The following ADAM20 variants were observed in gnomAD, a reference collection of about 807,000 sequenced individuals.
ADAM20 encodes ADAM metallopeptidase domain 20.
For synonymous variants in ADAM20, 305 were observed against 310.2 expected, an observed-to-expected ratio of 0.98 and a Z score of 0.18; for missense variants, 871 against 883.2, an observed-to-expected ratio of 0.99 and a Z score of 0.18.
At chr14:70,561,802 GAAGGC>G in the ADAM20 span, among the ~76,000 whole-genome samples, 5 of 152,276 alleles carry the variant, frequency 3.3e-5, no homozygotes, top group Non-Finnish European at 7.3e-5. Context: ...GCAGGATGCA[GAAGGC>G]AAGAGTTGAG....
chr14:70,523,756 G>A lies in ADAM20; in HGVS notation c.1002C>T (p.Val334=), dbSNP rs749297139. ...GVDVFEDNRL[V]VFAITLGHEL... ...CGTGGCCCAAAGTAATTGCAAAAAC[G>A]ACCAACCTGTTGTCTTCAAAAACAT... The change falls in exon 2 of 2, where the codon GTC becomes GTT. Residue 334 remains valine (V), a synonymous_variant. Coordinates refer to ENST00000256389, the MANE Select transcript of ADAM20 (RefSeq NM_003814.5). 3.1e-5 allele frequency: 50 copies of A among 1,613,852 alleles called. No individual in the cohort carries two copies. Among genetic ancestry groups the A allele is most frequent in the East Asian group, 1.8e-4 (8 of 44,890 alleles).
intron 1 of ADAM20, among the ~76,000 whole-genome samples, chr14:70,529,167 T>C (rs7154858): frequency 0.27 from 41,195 of 152,012 alleles, 7,758 homozygotes; most frequent in East Asian, 0.56. Flanking sequence ...ACTTGAACCA[T>C]ACTATAGACC....
rs1883525817 is a variant in ADAM20 at position 70,524,136 on chromosome 14, A to G, written c.622T>C (p.Phe208Leu). The change falls in exon 2 of 2, where the codon TTT becomes CTT. Residue 208 changes from phenylalanine to leucine, a missense_variant. Coordinates refer to ENST00000256389, the MANE Select transcript of ADAM20 (RefSeq NM_003814.5). The stretch of plus-strand genomic sequence containing the variant: ...TCCACGACCACTACCAGCTCAACAA[A>G]CCGCTGATGGGTCCACCAGCCCACA... ...SFVGWWTHQR[F>L]VELVVVVDNI... The G allele has an allele frequency of 1.4e-5, 22 of 1,613,824 alleles. No homozygotes were observed. Among genetic ancestry groups the G allele is most frequent in the Non-Finnish European group, 1.8e-5 (21 of 1,179,914 alleles).
upstream of ADAM20, among the ~76,000 whole-genome samples, chr14:70,535,685 G>A (rs1023601680): frequency 6.6e-6 from 1 of 151,984 alleles, no homozygotes; most frequent in East Asian, 1.9e-4. Context: ...ATCTCAACAC[G>A]CTCCAGAGCA....
chr14:70,546,496 G>C, the ADAM20 span, among the ~76,000 whole-genome samples: 1 of 152,144 alleles, frequency 6.6e-6, no homozygotes, highest in African/African-American at 2.4e-5. Flanking sequence ...AGATAGGTGA[G>C]AGACAAATGT....
chr14:70,541,476 T>G, the ADAM20 span, among the ~76,000 whole-genome samples: 1 of 152,226 alleles, frequency 6.6e-6, no homozygotes, highest in African/African-American at 2.4e-5. Context: ...CACAATGGGT[T>G]TTTTTAAAAC....
At chr14:70,569,903 A>C in the ADAM20 span, among the ~76,000 whole-genome samples, 2 of 149,066 alleles carry the variant, frequency 1.3e-5, no homozygotes, top group Admixed American at 6.6e-5. Context: ...AAAAAAAAAA[A>C]AAAAAAAAAA....
rs373092896 is a variant in ADAM20 at position 70,526,378 on chromosome 14, A to G, written c.-176-1445T>C. Among the ~76,000 whole-genome samples, 6 of 152,264 alleles carry G rather than the reference A, an allele frequency of 3.9e-5. No individual in the cohort carries two copies. The East Asian group carries it at 1.2e-3, about 29-fold the overall frequency. On this transcript the variant is annotated intron_variant, in intron 1 of 1. Transcript: ENST00000256389. The stretch of plus-strand genomic sequence containing the variant: ...CTAATGGATGGCCACCGGATGCCAC[A>G]AGAGGAAATCAGGATCACTAGATGA...
the ADAM20 span, chr14:70,556,675 T>G: frequency 6.6e-6 from 1 of 152,202 alleles, no homozygotes; most frequent in East Asian, 1.9e-4. Context: ...CATGTGCGAT[T>G]TTTTCAATAA....
At chr14:70,563,552 G>A in the ADAM20 span, among the ~76,000 whole-genome samples, 6 of 152,200 alleles carry the variant, frequency 3.9e-5, no homozygotes, top group Admixed American at 6.5e-5. Flanking sequence ...ATTTGTCCCC[G>A]CCTGCAACTC....
At chr14:70,555,427 G>T in the ADAM20 span, among the ~76,000 whole-genome samples, 2 of 152,044 alleles carry the variant, frequency 1.3e-5, no homozygotes, top group Non-Finnish European at 2.9e-5. Flanking sequence ...TTAAAAAAAG[G>T]TGAAAAATCA....
rs533171732 is a variant in ADAM20, at chr14:70,528,121, A to C, written c.-176-3188T>G. On this transcript the variant is annotated intron_variant, in intron 1 of 1. Coordinates refer to ENST00000256389, the MANE Select transcript of ADAM20 (RefSeq NM_003814.5). ...CTATAATTTGGTAGAAAAATATAGC[A>C]GAAATATTGTTATTGATATAAAATG... Among the ~76,000 whole-genome samples the C allele has an allele frequency of 2.6e-5, 4 of 152,342 alleles. No homozygotes were observed. The East Asian group carries it at 7.7e-4, about 29-fold the overall frequency.
the ADAM20 span, among the ~76,000 whole-genome samples, chr14:70,578,878 C>T: frequency 6.6e-6 from 1 of 152,026 alleles, no homozygotes; most frequent in Non-Finnish European, 1.5e-5. Flanking sequence ...CTTATTGTTC[C>T]CATCTTTGTG....
the ADAM20 span, among the ~76,000 whole-genome samples, chr14:70,575,522 C>A: frequency 3.9e-4 from 60 of 152,132 alleles, no homozygotes; most frequent in African/African-American, 1.3e-3. Context: ...ACAAAAAAAT[C>A]TAGAGGCAAC....
At chr14:70,556,222 A>G in the ADAM20 span, 2 of 152,424 alleles carry the variant, frequency 1.3e-5, no homozygotes, top group Non-Finnish European at 2.9e-5. Context: ...GATTCCCCAG[A>G]ATTTTCCCAG....
At chr14:70,560,678 T>C in the ADAM20 span, among the ~76,000 whole-genome samples, 5 of 152,160 alleles carry the variant, frequency 3.3e-5, no homozygotes, top group East Asian at 5.8e-4. Context: ...ATGATTCTCA[T>C]GAGATCTGAT....
chr14:70,537,413 C>T (rs1883859459), upstream of ADAM20, among the ~76,000 whole-genome samples: 1 of 152,198 alleles, frequency 6.6e-6, no homozygotes, highest in Admixed American at 6.5e-5. Flanking sequence ...TTTGCTGATT[C>T]CAACCGCAAC....
chr14:70,529,731 G>C (rs1442338190), intron 1 of ADAM20, among the ~76,000 whole-genome samples: 1 of 152,204 alleles, frequency 6.6e-6, no homozygotes, highest in African/African-American at 2.4e-5. Context: ...GCAGAACTAG[G>C]AGTTTCTCTG....
At chr14:70,545,826 AG>A in the ADAM20 span, among the ~76,000 whole-genome samples, 1 of 152,242 alleles carries the variant, frequency 6.6e-6, no homozygotes, top group African/African-American at 2.4e-5. Flanking sequence ...AAAATAAAAA[AG>A]AAATATCAGA....
Sources: gnomAD v4.1 joint callset for allele counts (sites outside exome capture counted in the v4.1 genomes callset) on GRCh38, gnomAD v4.1.1 for gene constraint, MANE v1.5 for transcripts, NCBI Gene and HGNC (gene_info 2026-07-23, HGNC 2026-07-21) for gene names.